TENM1: variants seen among roughly 807,000 people sequenced by gnomAD.
TENM1 encodes teneurin transmembrane protein 1, also known as teneurin-1.
TENM1 carries 35 observed loss-of-function variants against 174.8 expected under a neutral mutation model. The ratio of observed to expected loss-of-function variants is 0.20; its 90% CI spans 0.15 to 0.27. The LOEUF is 0.27. Among genes scored for constraint, TENM1 ranks in the 10% least tolerant of loss-of-function variants. The probability of loss-of-function intolerance (pLI) is 1.00; values close to 1 mark genes in which losing one functional copy is unlikely to be tolerated. For synonymous variants in TENM1, 781 were observed against 798.7 expected (o/e 0.98, Z 0.37); for missense variants, 1,633 against 2,130.1 (o/e 0.77, Z 4.59).
intron 14 of TENM1, among the ~76,000 whole-genome samples, chrX:124,548,753 T>C (rs1405409248): frequency 9.0e-6 from 1 of 111,079 alleles, no homozygotes; most frequent in African/African-American, 3.3e-5. Flanking sequence ...GCTTGCTCTC[T>C]CTCCCCCACT....
At chrX:124,534,978 A>T (rs1453993637) in intron 15 of TENM1, among the ~76,000 whole-genome samples, 1 of 111,983 alleles carries the variant, frequency 8.9e-6, no homozygotes, top group African/African-American at 3.2e-5. Context: ...AGGGTTTGTG[A>T]TGTTCCTGTT....
chrX:124,866,322 A>G (rs912576544), intron 3 of TENM1, among the ~76,000 whole-genome samples: 2 of 112,147 alleles, frequency 1.8e-5, no homozygotes, highest in African/African-American at 6.5e-5. Context: ...TCTCTACCAC[A>G]ATGGGATAAA....
chrX:124,781,759 C>T (rs1378401509), intron 3 of TENM1, among the ~76,000 whole-genome samples: 2 of 111,097 alleles, frequency 1.8e-5, no homozygotes, highest in Admixed American at 1.9e-4. Context: ...CTCTCACTTG[C>T]ACTATGAAAA....
At chrX:124,502,441 A>G (rs1277566784) in intron 19 of TENM1, among the ~76,000 whole-genome samples, 1 of 112,397 alleles carries the variant, frequency 8.9e-6, no homozygotes, top group Non-Finnish European at 1.9e-5. Flanking sequence ...TTTAATGTCA[A>G]TGACAGGCAT....
intron 15 of TENM1, among the ~76,000 whole-genome samples, chrX:124,536,841 T>C (rs1362657349): frequency 1.8e-5 from 2 of 111,992 alleles, no homozygotes; most frequent in African/African-American, 3.2e-5. Flanking sequence ...TTTTTGCTTG[T>C]TCTACACATG....
At chrX:124,462,410 T>C (rs371933287) in intron 22 of TENM1, among the ~76,000 whole-genome samples, 97 of 85,334 alleles carry the variant, frequency 1.1e-3, no homozygotes, top group African/African-American at 4.4e-3. Flanking sequence ...TGTTAAGCTA[T>C]TGAGATACTG....
intron 3 of TENM1, among the ~76,000 whole-genome samples, chrX:124,785,251 G>A (rs896123943): frequency 4.5e-5 from 5 of 111,862 alleles, no homozygotes; most frequent in Non-Finnish European, 3.8e-5. Flanking sequence ...AAGCTGATAT[G>A]GTAATAGTTA....
At chrX:125,003,620 G>GT in the TENM1 span, among the ~76,000 whole-genome samples, 47 of 109,698 alleles carry the variant, frequency 4.3e-4, no homozygotes, top group Non-Finnish European at 8.4e-4. Context: ...ATGGCTATGG[G>GT]TTTTTTTTTC....
the TENM1 span, among the ~76,000 whole-genome samples, chrX:124,983,699 C>A: frequency 1.8e-5 from 2 of 111,730 alleles, no homozygotes; most frequent in African/African-American, 6.5e-5. Flanking sequence ...GGGTTCACTG[C>A]AACCTCAGTC....
At chrX:124,494,332 T>C (rs904353485) in intron 20 of TENM1, among the ~76,000 whole-genome samples, 25 of 110,794 alleles carry the variant, frequency 2.3e-4, no homozygotes, top group African/African-American at 7.9e-4. Flanking sequence ...TAGGATAGCA[T>C]CTAGATCTTC....
At chrX:125,060,242 CCTGA>C in the TENM1 span, among the ~76,000 whole-genome samples, 1 of 106,646 alleles carries the variant, frequency 9.4e-6, no homozygotes, top group African/African-American at 3.4e-5. Flanking sequence ...TCTGTAGAAC[CCTGA>C]CTAATACAAG....
intron 19 of TENM1, among the ~76,000 whole-genome samples, chrX:124,498,982 G>A (rs1166809009): frequency 9.0e-6 from 1 of 111,033 alleles, no homozygotes; most frequent in Non-Finnish European, 1.9e-5. Context: ...GCTGAGCCTG[G>A]GCAGAAAATC....
chrX:124,870,121 A>C (rs969660104), intron 3 of TENM1, among the ~76,000 whole-genome samples: 5 of 111,864 alleles, frequency 4.5e-5, no homozygotes, highest in African/African-American at 6.5e-5. Context: ...TACCCACAAA[A>C]ATTAAAAATA....
At chrX:125,152,249 T>G in the TENM1 span, among the ~76,000 whole-genome samples, 1 of 100,540 alleles carries the variant, frequency 9.9e-6, no homozygotes, top group Non-Finnish European at 2.0e-5. Context: ...GACTTTGTAT[T>G]TTTAAAAAAA....
chrX:124,625,434 TTAA>T lies in TENM1; in HGVS notation c.2077+16354_2077+16356del, dbSNP rs764737627. Reference sequence around the variant, plus strand: ...CTACTATGCATCATGGTGACGACACTTAATAACAATATATTATATAATTGAAAA... The same window carrying T: ...CTACTATGCATCATGGTGACGACACTTAACAATATATTATATAATTGAAAA... On this transcript the variant is annotated intron_variant, in intron 11 of 31. Coordinates refer to ENST00000422452, the Ensembl canonical transcript of TENM1. 5.5e-4 allele frequency among the ~76,000 whole-genome samples: 61 copies of T among 111,245 alleles called. 1 individual carries two copies. Among genetic ancestry groups the T allele is most frequent in the African/African-American group, 1.7e-3 (53 of 30,672 alleles).
chrX:124,885,136 A>G (rs1461324461), intron 3 of TENM1, among the ~76,000 whole-genome samples: 1 of 110,842 alleles, frequency 9.0e-6, no homozygotes, highest in African/African-American at 3.3e-5. Flanking sequence ...TGACCAAAAC[A>G]CTCTTATACA....
At chrX:124,964,475 T>A (rs1162826292), upstream of TENM1, among the ~76,000 whole-genome samples, 1 of 111,534 alleles carries the variant, frequency 9.0e-6, no homozygotes, top group Non-Finnish European at 1.9e-5. Context: ...ATGTAAACAC[T>A]TCTGGTGAGT....
chrX:124,813,188 T>G (rs1038331689), intron 3 of TENM1, among the ~76,000 whole-genome samples: 1 of 111,012 alleles, frequency 9.0e-6, no homozygotes, highest in Non-Finnish European at 1.9e-5. Context: ...TTTGAACATA[T>G]GAAAAATGGC....
At chrX:125,133,985 T>TA in the TENM1 span, among the ~76,000 whole-genome samples, 1 of 111,247 alleles carries the variant, frequency 9.0e-6, no homozygotes, top group South Asian at 3.8e-4. Context: ...TTGTAAATGT[T>TA]AAAAGCTGCT....
Sources: gnomAD v4.1 joint callset for allele counts (sites outside exome capture counted in the v4.1 genomes callset) on GRCh38, gnomAD v4.1.1 for gene constraint, MANE v1.5 for transcripts, NCBI Gene and HGNC (gene_info 2026-07-23, HGNC 2026-07-21) for gene names.